Variants in DOCK11 observed in about 807,000 individuals in gnomAD.
The protein encoded by DOCK11 is dedicator of cytokinesis 11.
DOCK11 carries 70 observed loss-of-function variants against 169.1 expected under a neutral mutation model. That is an observed-to-expected ratio of 0.41 (90% CI 0.34 to 0.51). The LOEUF (loss-of-function observed/expected upper bound fraction) is 0.51. Ranked by LOEUF, DOCK11 falls within the 20% of genes least tolerant of loss-of-function variation. The probability of loss-of-function intolerance (pLI) is 0.10; values close to 1 mark genes in which losing one functional copy is unlikely to be tolerated. For synonymous variants in DOCK11, 529 were observed against 541.3 expected (o/e 0.98, Z 0.32); for missense variants, 1,166 against 1,538.8 (o/e 0.76, Z 4.05).
intron 35 of DOCK11, chrX:118,632,413 C>G (rs944257747): frequency 8.9e-6 from 1 of 112,209 alleles, no homozygotes; most frequent in Admixed American, 9.4e-5. Flanking sequence ...AGCACATTTT[C>G]AATAACTAGT....
chrX:118,560,586 T>A (rs1444759660), intron 6 of DOCK11, among the ~76,000 whole-genome samples: 1 of 111,989 alleles, frequency 8.9e-6, no homozygotes, highest in African/African-American at 3.2e-5. Context: ...TGTGACTTAC[T>A]GAAAGAAGCA....
chrX:118,496,947 A>G (rs2057542691), intron 1 of DOCK11, among the ~76,000 whole-genome samples: 2 of 112,083 alleles, frequency 1.8e-5, no homozygotes, highest in Non-Finnish European at 1.9e-5. Flanking sequence ...GAGCACCCTC[A>G]GCCTTATCCA....
At chrX:118,520,882 A>G (rs1466135269) in intron 1 of DOCK11, among the ~76,000 whole-genome samples, 1 of 111,862 alleles carries the variant, frequency 8.9e-6, no homozygotes, top group Non-Finnish European at 1.9e-5. Context: ...TAGTCAACAT[A>G]TATTTGGAGT....
In DOCK11 at chrX:118,681,042, C is replaced by T; in HGVS notation, c.5672-16C>T. 1 of 1,133,501 alleles carries T rather than the reference C, an allele frequency of 8.8e-7. No individual in the cohort carries two copies. Among genetic ancestry groups the T allele is most frequent in the Non-Finnish European group, 1.2e-6 (1 of 857,347 alleles). The allele number at this position is 1,133,501 out of a possible 1,213,427, so 93.4% of individuals were successfully genotyped here. A position where few individuals can be genotyped will look rare whatever the true frequency, so the allele number is the denominator to read the frequency against. ...GATTTTCTAAAGTCAGTAAATCAAT[C>T]TTAACATTTTAATAGCTTCAAACTC... On this transcript the variant is annotated splice_polypyrimidine_tract_variant and intron_variant, in intron 49 of 52. Coordinates refer to ENST00000276202, the MANE Select transcript of DOCK11 (RefSeq NM_144658.4).
Position 118,676,732 on chromosome X carries a change from G to A in DOCK11, c.5455G>A (p.Asp1819Asn), listed in dbSNP as rs1264951896. Residue 1819 changes from aspartate (D) to asparagine (N), a missense_variant, in exon 48 of 53, where the codon GAC (aspartate) becomes AAC (asparagine). Coordinates refer to ENST00000276202, the MANE Select transcript of DOCK11 (RefSeq NM_144658.4). ...GAATGTCAAAATAATTCAGGATTCA[G>A]ACAAGGTAACACATACCCTACATGT... Reference protein sequence around the residue: ...TENVKIIQDSDKVNAKELDPK... With the variant: ...TENVKIIQDSNKVNAKELDPK... The A allele has an allele frequency of 8.3e-7, 1 of 1,199,609 alleles. No homozygotes were observed. The highest frequency in any genetic ancestry group is 1.1e-6 in the Non-Finnish European group (1 of 888,026).
chrX:118,574,831 A>G (rs1004806129), intron 12 of DOCK11, among the ~76,000 whole-genome samples: 1 of 111,807 alleles, frequency 8.9e-6, no homozygotes, highest in Non-Finnish European at 1.9e-5. Flanking sequence ...ACACTCTTCT[A>G]TTCTATCTGG....
At chrX:118,628,595 T>C (rs1241695513) in intron 34 of DOCK11, among the ~76,000 whole-genome samples, 1 of 112,462 alleles carries the variant, frequency 8.9e-6, no homozygotes, top group African/African-American at 3.2e-5. Context: ...ACGAAGCACA[T>C]CCTGGCAGGA....
intron 46 of DOCK11, among the ~76,000 whole-genome samples, chrX:118,672,584 C>A (rs756131022): frequency 8.9e-6 from 1 of 112,319 alleles, no homozygotes; most frequent in Non-Finnish European, 1.9e-5. Context: ...AGGCGCCCGC[C>A]ACCGCGCCCG....
intron 6 of DOCK11, among the ~76,000 whole-genome samples, chrX:118,558,697 CAG>C (rs1402162956): frequency 8.9e-6 from 1 of 112,113 alleles, no homozygotes; most frequent in Non-Finnish European, 1.9e-5. Context: ...TGTTGTTGGG[CAG>C]AGTCTGATTT....
Position 118,495,921 on chromosome X carries a change from CCCGCCCGCCGAGGT to C in DOCK11, c.-41_-28del. The C allele has an allele frequency of 1.1e-6, 1 of 898,932 alleles. No homozygotes were observed. Among genetic ancestry groups the C allele is most frequent in the Non-Finnish European group, 1.4e-6 (1 of 703,618 alleles). 74.1% of individuals were successfully genotyped at this position (898,932 alleles called of 1,213,427 possible). A position where few individuals can be genotyped will look rare whatever the true frequency, so the allele number is the denominator to read the frequency against. On this transcript the variant is annotated 5_prime_UTR_variant, in exon 1 of 53. Coordinates refer to ENST00000276202, the MANE Select transcript of DOCK11 (RefSeq NM_144658.4). ...GCCGCGGGCCGGGGCAGTGAGTCCA[CCCGCCCGCCGAGGT>C]CCGCCCGCCCGCCGAGACCCGCCCG...
At chrX:118,572,737 G>A (rs940532365) in intron 11 of DOCK11, among the ~76,000 whole-genome samples, 1 of 111,608 alleles carries the variant, frequency 9.0e-6, no homozygotes, top group African/African-American at 3.3e-5. Context: ...AATTTGACAT[G>A]GAAGAATTTT....
chrX:118,586,532 C>T (rs755405071), intron 16 of DOCK11, among the ~76,000 whole-genome samples: 1 of 111,653 alleles, frequency 9.0e-6, no homozygotes, highest in South Asian at 3.8e-4. Flanking sequence ...AGGTCTCTCC[C>T]TCAACACCTG....
At position 118,624,563 on chromosome X, in the gene DOCK11, T is replaced by C. The variant is rs200439722; in HGVS notation, c.3496T>C (p.Leu1166=). The C allele has an allele frequency of 6.2e-5, 75 of 1,205,438 alleles. No individual in the cohort carries two copies. The Admixed American group carries it at 1.6e-3, about 26-fold the overall frequency. Residue 1166 remains leucine (L), a synonymous_variant, in exon 32 of 53, where the codon TTG becomes CTG. Coordinates refer to ENST00000276202, the MANE Select transcript of DOCK11 (RefSeq NM_144658.4). ...GAACCAACAAGCCAAAATAGCACAATTGTACCTCCCCTTTGTTGGACTACT... is the reference window on the plus strand; with the variant it reads ...GAACCAACAAGCCAAAATAGCACAACTGTACCTCCCCTTTGTTGGACTACT... The part of the protein sequence containing the change: ...HKNQQAKIAQ[L]YLPFVGLLLE...
At position 118,624,615 on chromosome X, in the gene DOCK11, G is replaced by C. The variant is rs370985549; in HGVS notation, c.3548G>C (p.Gly1183Ala). ...LLLENIQRLA[G>A]RDTLYSCAAM... ...TTGGAAAATATACAGCGATTAGCAGGTCGAGATACCTTGTATTCTTGTGCA... is the reference window on the plus strand; with the variant it reads ...TTGGAAAATATACAGCGATTAGCAGCTCGAGATACCTTGTATTCTTGTGCA... Residue 1183 changes from glycine (G) to alanine (A), a missense_variant, in exon 32 of 53, where the codon GGT becomes GCT. Transcript: ENST00000276202. The C allele has an allele frequency of 8.3e-7, 1 of 1,207,122 alleles. No individual in the cohort carries two copies. Among genetic ancestry groups the C allele is most frequent in the Middle Eastern group, 2.3e-4 (1 of 4,349 alleles).
intron 31 of DOCK11, among the ~76,000 whole-genome samples, chrX:118,619,497 A>AATAT (rs1556312711): frequency 5.5e-5 from 5 of 90,850 alleles, no homozygotes; most frequent in African/African-American, 2.1e-4. Context: ...AAAAAAAAAA[A>AATAT]ATATATATAT....
chrX:118,538,023 G>A (rs1228648737), intron 1 of DOCK11, among the ~76,000 whole-genome samples: 2 of 111,664 alleles, frequency 1.8e-5, no homozygotes, highest in African/African-American at 6.5e-5. Context: ...ACCAAAATTG[G>A]CATTTTTATT....
rs142660168 is a variant in DOCK11 at position 118,567,208 on chromosome X, T to C, written c.951+555T>C. Among the ~76,000 whole-genome samples the C allele has an allele frequency of 1.4e-3, 155 of 111,849 alleles. 1 individual carries two copies. Among genetic ancestry groups the C allele is most frequent in the African/African-American group, 4.7e-3 (145 of 30,887 alleles). ...TCCTGAGTATCTTACCACGATACTG[T>C]ATTCTGTAGACTCTATATTATAGTA... On this transcript the variant is annotated intron_variant, in intron 9 of 52. Transcript: ENST00000276202.
chrX:118,647,505 TA>T (rs2015714511), intron 40 of DOCK11, among the ~76,000 whole-genome samples: 2 of 68,917 alleles, frequency 2.9e-5, no homozygotes, highest in Non-Finnish European at 5.0e-5. Flanking sequence ...TATAATATAT[TA>T]TATAATAATA....
intron 14 of DOCK11, among the ~76,000 whole-genome samples, chrX:118,584,439 T>TTCATAAATA (rs201594956): frequency 0.47 from 52,221 of 110,562 alleles, 10,185 homozygotes; most frequent in African/African-American, 0.74. Flanking sequence ...CATTCACTTT[T>TTCATAAATA]TCTGGGTTAT....
Sources: allele counts gnomAD v4.1 joint callset (sites outside exome capture counted in the v4.1 genomes callset), GRCh38; gene constraint gnomAD v4.1.1; transcripts MANE v1.5; gene names NCBI Gene and HGNC (gene_info 2026-07-23, HGNC 2026-07-21).